The following SLC38A8 variants were observed in gnomAD, a reference collection of about 807,000 sequenced individuals.
SLC38A8 encodes the protein solute carrier family 38 member 8.
Under a neutral mutation model 46.0 loss-of-function variants are expected in SLC38A8, and 65 were observed. That is an observed-to-expected ratio of 1.41 (90% CI 1.16 to 1.74). SLC38A8 has a LOEUF of 1.74. Ranked by LOEUF, SLC38A8 falls within the 40% of genes most tolerant of loss-of-function variation. SLC38A8 has a pLI of 0.00. For synonymous variants in SLC38A8, 447 were observed against 243.7 expected (o/e 1.83, Z -7.77); for missense variants, 998 against 567.9 (o/e 1.76, Z -7.70).
chr16:84,036,388 C>T (rs757644525), intron 3 of SLC38A8, among the ~76,000 whole-genome samples: 1 of 152,354 alleles, frequency 6.6e-6, no homozygotes, highest in African/African-American at 2.4e-5. Context: ...AAAGGTGTTA[C>T]TGGTTCTTTC....
intron 3 of SLC38A8, among the ~76,000 whole-genome samples, chr16:84,035,325 C>A (rs1210898486): frequency 6.6e-6 from 1 of 152,146 alleles, no homozygotes; most frequent in African/African-American, 2.4e-5. Context: ...TCGTGTTTAC[C>A]AAGACACAGC....
rs1287902582 is a variant in SLC38A8, at chr16:84,016,989, C to T, written c.953+151G>A. 3.4e-6 allele frequency: 4 copies of T among 1,188,916 alleles called. No individual in the cohort carries two copies. In the African/African-American group the frequency reaches 4.6e-5, roughly 14 times the overall value. 73.6% of individuals were successfully genotyped at this position (1,188,916 alleles called of 1,614,324 possible). ...CACTCACGGAGTGACTTTGGGCAAT[C>T]TACCTAAATCCTCTGTGCCTGTTTC... On this transcript the variant is annotated intron_variant, in intron 8 of 10. Coordinates refer to ENST00000299709, the MANE Select transcript of SLC38A8 (RefSeq NM_001080442.3).
intron 7 of SLC38A8, among the ~76,000 whole-genome samples, chr16:84,017,555 C>T (rs754507387): frequency 7.9e-5 from 12 of 152,190 alleles, no homozygotes; most frequent in East Asian, 1.9e-4. Context: ...ACCCACAGTG[C>T]GTGTGTTGAC....
chr16:84,011,764 G>A (rs541057047), intron 10 of SLC38A8, among the ~76,000 whole-genome samples: 1 of 152,160 alleles, frequency 6.6e-6, no homozygotes, highest in Non-Finnish European at 1.5e-5. Flanking sequence ...GGCGTCTGTG[G>A]TCCCAGCTAC....
At chr16:84,024,238 C>G (rs1354086130) in intron 6 of SLC38A8, among the ~76,000 whole-genome samples, 3 of 152,214 alleles carry the variant, frequency 2.0e-5, no homozygotes, top group African/African-American at 7.2e-5. Flanking sequence ...GTGGGTGCTA[C>G]TGACCAGAAA....
chr16:84,018,306 C>T (rs1209028144), intron 7 of SLC38A8, among the ~76,000 whole-genome samples: 2 of 145,324 alleles, frequency 1.4e-5, no homozygotes, highest in Non-Finnish European at 3.0e-5. Flanking sequence ...GATCTCGGCT[C>T]ACTGCAAGCT....
intron 3 of SLC38A8, 141 bp from the exon 4 acceptor site, chr16:84,033,610 A>ACCTGTCTCCATCTCACTT: frequency 1.1e-6 from 1 of 909,748 alleles, no homozygotes; most frequent in Non-Finnish European, 1.6e-6. Flanking sequence ...ACGACAAGTG[A>ACCTGTCTCCATCTCACTT]GATGGAGACA....
intron 3 of SLC38A8, among the ~76,000 whole-genome samples, chr16:84,035,248 C>T (rs896714155): frequency 1.3e-5 from 2 of 152,158 alleles, no homozygotes; most frequent in Admixed American, 6.5e-5. Context: ...GGGAGCAGGA[C>T]GTTTTTGTGC....
chr16:84,028,361 G>A (rs1051513308), intron 6 of SLC38A8, among the ~76,000 whole-genome samples: 4 of 151,878 alleles, frequency 2.6e-5, no homozygotes, highest in South Asian at 2.1e-4. Context: ...AGGGCAGATC[G>A]CTTGACGTCA....
Position 84,035,159 on chromosome 16 carries a change from C to T in SLC38A8, c.388+1543G>A, listed in dbSNP as rs566496443. 2.0e-5 allele frequency among the ~76,000 whole-genome samples: 3 copies of T among 152,328 alleles called. No individual in the cohort carries two copies. In the East Asian group the frequency reaches 5.8e-4, roughly 29 times the overall value. On this transcript the variant is annotated intron_variant, in intron 3 of 10. Coordinates refer to ENST00000299709, the MANE Select transcript of SLC38A8 (RefSeq NM_001080442.3). ...TCAGGGGGCTCCGCTCCCAGTGAGGCTCAGAATCCTTCTTAACACAGCAAC... is the reference window on the plus strand; with the variant it reads ...TCAGGGGGCTCCGCTCCCAGTGAGGTTCAGAATCCTTCTTAACACAGCAAC...
chr16:84,015,815 C>G (rs1301436873), intron 9 of SLC38A8, among the ~76,000 whole-genome samples: 4 of 152,196 alleles, frequency 2.6e-5, no homozygotes, highest in African/African-American at 7.2e-5. Context: ...AAGTGATTCT[C>G]CTGCCTAAGC....
intron 10 of SLC38A8, among the ~76,000 whole-genome samples, chr16:84,011,840 C>G (rs11862888): frequency 6.6e-6 from 1 of 151,918 alleles, no homozygotes; most frequent in Non-Finnish European, 1.5e-5. Flanking sequence ...GCCACAATTA[C>G]GCCACTGCAC....
chr16:84,032,189 T>C (rs1482425301), intron 4 of SLC38A8, among the ~76,000 whole-genome samples: 10 of 1,128 alleles, frequency 8.9e-3, no homozygotes, highest in Non-Finnish European at 0.026. Flanking sequence ...TGTTGTTTTG[T>C]TGTTGTTGTT....
chr16:84,028,844 G>C (rs956671266), intron 6 of SLC38A8, among the ~76,000 whole-genome samples: 2 of 152,094 alleles, frequency 1.3e-5, no homozygotes, highest in South Asian at 2.1e-4. Flanking sequence ...CCAGTCACCT[G>C]GCTGCTGCCC....
chr16:84,011,841 G>C (rs189918036), intron 10 of SLC38A8, among the ~76,000 whole-genome samples: 1 of 152,094 alleles, frequency 6.6e-6, no homozygotes, highest in Non-Finnish European at 1.5e-5. Flanking sequence ...CCACAATTAC[G>C]CCACTGCACT....
At position 84,039,074 on chromosome 16, in the gene SLC38A8, G is replaced by T. The variant is rs572103856; in HGVS notation, c.190-2174C>A. ...TCTGGTGGGCCCTCAACCCATTGAG[G>T]TATGTCCTTGTAGAGACAGAAGGGA... On this transcript the variant is annotated intron_variant, in intron 2 of 10. Transcript: ENST00000299709. 6.6e-5 allele frequency among the ~76,000 whole-genome samples: 10 copies of T among 152,268 alleles called. 1 individual carries two copies. The East Asian group carries it at 1.9e-3, about 29-fold the overall frequency.
At chr16:84,025,039 G>C (rs1161355064) in intron 6 of SLC38A8, among the ~76,000 whole-genome samples, 1 of 152,144 alleles carries the variant, frequency 6.6e-6, no homozygotes, top group Non-Finnish European at 1.5e-5. Flanking sequence ...TGAGTCATGT[G>C]AATTCATTTC....
chr16:84,030,502 C>G (rs1274167085), intron 5 of SLC38A8, among the ~76,000 whole-genome samples: 2 of 152,122 alleles, frequency 1.3e-5, no homozygotes, highest in South Asian at 2.1e-4. Flanking sequence ...TTCAGACACA[C>G]AGACCTGCCC....
intron 10 of SLC38A8, among the ~76,000 whole-genome samples, chr16:84,010,250 T>C (rs2084938386): frequency 6.6e-6 from 1 of 152,012 alleles, no homozygotes; most frequent in Non-Finnish European, 1.5e-5. Context: ...TTTGTATTTT[T>C]AGTAGAGATG....
Sources: allele counts gnomAD v4.1 joint callset (sites outside exome capture counted in the v4.1 genomes callset), GRCh38; gene constraint gnomAD v4.1.1; transcripts MANE v1.5; gene names NCBI Gene and HGNC (gene_info 2026-07-23, HGNC 2026-07-21).